C12orf42: variants seen among roughly 807,000 people sequenced by gnomAD.
C12orf42 encodes chromosome 12 open reading frame 42, also known as uncharacterized protein C12orf42.
C12orf42 carries 25 observed loss-of-function variants against 21.6 expected under a neutral mutation model. The observed-to-expected ratio is 1.16, with a 90% CI of 0.84 to 1.62. The LOEUF (loss-of-function observed/expected upper bound fraction) is 1.62. Among genes scored for constraint, C12orf42 ranks in the 40% most tolerant of loss-of-function variants. The probability of loss-of-function intolerance (pLI) is 0.00; values close to 1 mark genes in which losing one functional copy is unlikely to be tolerated. For synonymous variants in C12orf42, 174 were observed against 175.0 expected, an observed-to-expected ratio of 0.99 and a Z score of 0.05; for missense variants, 483 against 459.3, an observed-to-expected ratio of 1.05 and a Z score of -0.47.
chr12:103,530,084 T>C, the C12orf42 span, among the ~76,000 whole-genome samples: 8 of 152,234 alleles, frequency 5.3e-5, no homozygotes, highest in Admixed American at 3.3e-4. Context: ...AGAAGTCTTC[T>C]CTTTACACAG....
the C12orf42 span, among the ~76,000 whole-genome samples, chr12:103,056,412 A>G: frequency 6.6e-6 from 1 of 152,142 alleles, no homozygotes; most frequent in Non-Finnish European, 1.5e-5. Context: ...AAGTTTGACT[A>G]TAATGTGCCT....
the C12orf42 span, among the ~76,000 whole-genome samples, chr12:103,166,339 T>TA: frequency 1.3e-5 from 2 of 152,156 alleles, no homozygotes; most frequent in African/African-American, 4.8e-5. Flanking sequence ...GATAAATGCT[T>TA]AAAAAAAGTT....
intron 4 of C12orf42, among the ~76,000 whole-genome samples, chr12:103,340,992 A>G (rs1593509730): frequency 6.6e-6 from 1 of 151,706 alleles, no homozygotes; most frequent in East Asian, 2.0e-4. Context: ...GAGTACCTGT[A>G]GTCCCAGCTA....
In C12orf42 at chr12:103,389,075, G is replaced by A. The variant is rs187848480; in HGVS notation, c.147+12532C>T. ...ATCTGGAAAACCTGACCCATGCCAG[G>A]GGGAATGTTCCATCATCCCCAAATC... On this transcript the variant is annotated intron_variant, in intron 3 of 5. Transcript: ENST00000548883. 2.0e-5 allele frequency among the ~76,000 whole-genome samples: 3 copies of A among 152,328 alleles called. No individual in the cohort carries two copies. In the East Asian group the frequency reaches 5.8e-4, roughly 29 times the overall value.
At chr12:103,313,561 T>G (rs1454860716) in intron 4 of C12orf42, among the ~76,000 whole-genome samples, 1 of 152,220 alleles carries the variant, frequency 6.6e-6, no homozygotes, top group African/African-American at 2.4e-5. Flanking sequence ...GCCTCAGTTT[T>G]CCCATTCATA....
chr12:103,339,190 G>C (rs2041966778), intron 4 of C12orf42, among the ~76,000 whole-genome samples: 1 of 152,166 alleles, frequency 6.6e-6, no homozygotes, highest in East Asian at 1.9e-4. Flanking sequence ...TATATTATTA[G>C]CTAAGTTCAA....
At chr12:103,530,299 G>A in the C12orf42 span, among the ~76,000 whole-genome samples, 103 of 152,330 alleles carry the variant, frequency 6.8e-4, no homozygotes, top group South Asian at 3.9e-3. Context: ...CTTATGAAGA[G>A]CGTGATGTGG....
At chr12:103,429,962 A>G (rs1223000618) in intron 2 of C12orf42, among the ~76,000 whole-genome samples, 1 of 152,174 alleles carries the variant, frequency 6.6e-6, no homozygotes, top group Non-Finnish European at 1.5e-5. Flanking sequence ...GTTATACAAA[A>G]ATTAACTCAG....
the C12orf42 span, among the ~76,000 whole-genome samples, chr12:103,083,993 G>A: frequency 6.6e-6 from 1 of 152,148 alleles, no homozygotes; most frequent in Non-Finnish European, 1.5e-5. Flanking sequence ...GGTATAGTAA[G>A]TATTTAGTAA....
chr12:103,168,023 T>C, the C12orf42 span: 3 of 455,430 alleles, frequency 6.6e-6, no homozygotes, highest in South Asian at 1.6e-5. Context: ...AATATGTACA[T>C]GCATCTCTTT....
In C12orf42 at chr12:103,440,578, T is replaced by C. The variant is rs538660600; in HGVS notation, c.78+37771A>G. Among the ~76,000 whole-genome samples, 6 of 152,152 alleles carry C rather than the reference T, an allele frequency of 3.9e-5. No individual in the cohort carries two copies. In the East Asian group the frequency reaches 5.8e-4, roughly 15 times the overall value. On this transcript the variant is annotated intron_variant, in intron 2 of 5. Transcript: ENST00000548883. ...AATTTTAAATTAACATTTGTTATTA[T>C]GCAAATAGTCTTGTTGAGTGTTTTA...
chr12:103,243,367 A>C (rs144845486), intron 10 of C12orf42, among the ~76,000 whole-genome samples: 1 of 152,188 alleles, frequency 6.6e-6, no homozygotes, highest in East Asian at 1.9e-4. Flanking sequence ...GTAAGTAAAA[A>C]TGGGGAAATA....
At chr12:103,372,724 C>A (rs1394932573) in intron 3 of C12orf42, among the ~76,000 whole-genome samples, 1 of 152,070 alleles carries the variant, frequency 6.6e-6, no homozygotes, top group Admixed American at 6.5e-5. Context: ...CTCTGTGATC[C>A]AAGTATGACA....
chr12:103,488,268 G>C (rs1288901991), intron 1 of C12orf42, among the ~76,000 whole-genome samples: 2 of 152,154 alleles, frequency 1.3e-5, no homozygotes, highest in African/African-American at 4.8e-5. Context: ...TAAGAATGTT[G>C]AATATTGGCC....
At chr12:103,400,013 T>C (rs867670615) in intron 3 of C12orf42, among the ~76,000 whole-genome samples, 160 of 152,268 alleles carry the variant, frequency 1.1e-3, no homozygotes, top group African/African-American at 3.7e-3. Flanking sequence ...ATATACTATA[T>C]ATAAAACAAA....
At chr12:103,507,179 TA>T in the C12orf42 span, among the ~76,000 whole-genome samples, 3 of 23,694 alleles carry the variant, frequency 1.3e-4, no homozygotes, top group Non-Finnish European at 1.6e-4. Context: ...ATATTTATAT[TA>T]TATATAATAT....
intron 10 of C12orf42, among the ~76,000 whole-genome samples, chr12:103,247,393 C>T (rs944717571): frequency 5.3e-5 from 8 of 150,918 alleles, no homozygotes; most frequent in African/African-American, 1.9e-4. Flanking sequence ...ATTTGTCTAA[C>T]ATTCTGTGCA....
intron 2 of C12orf42, among the ~76,000 whole-genome samples, chr12:103,469,463 C>T (rs1295797495): frequency 1.3e-5 from 2 of 152,184 alleles, no homozygotes; most frequent in African/African-American, 2.4e-5. Context: ...ACTTTAATTA[C>T]TTTATGCAAA....
the C12orf42 span, among the ~76,000 whole-genome samples, chr12:103,538,744 C>A: frequency 7.1e-3 from 1,075 of 152,324 alleles, 10 homozygotes; most frequent in Non-Finnish European, 9.7e-3. Context: ...CCACACCCAA[C>A]CCTTCCAACA....
Sources: allele counts gnomAD v4.1 joint callset (sites outside exome capture counted in the v4.1 genomes callset), GRCh38; gene constraint gnomAD v4.1.1; transcripts MANE v1.5; gene names NCBI Gene and HGNC (gene_info 2026-07-23, HGNC 2026-07-21).